Variants in GIGYF2 observed in about 807,000 individuals in gnomAD.
The protein encoded by GIGYF2 is GRB10 interacting GYF protein 2, also known as GRB10-interacting GYF protein 2.
In GIGYF2, 25 loss-of-function variants were observed where a neutral mutation model predicts 208.1. That is an observed-to-expected ratio of 0.12 (90% CI 0.09 to 0.17). The LOEUF (loss-of-function observed/expected upper bound fraction) is 0.17, where lower values mean the gene tolerates loss of function less well. Among genes scored for constraint, GIGYF2 ranks in the 10% least tolerant of loss-of-function variants. The pLI, the probability that GIGYF2 is intolerant of heterozygous loss-of-function variation, is 1.00. For synonymous variants in GIGYF2, 534 were observed against 543.8 expected (o/e 0.98, Z 0.25); for missense variants, 1,302 against 1,579.4 (o/e 0.82, Z 2.98).
At chr2:232,735,555 A>C (rs1197946803) in intron 3 of GIGYF2, 1 of 331,306 alleles carries the variant, frequency 3.0e-6, no homozygotes, top group Non-Finnish European at 4.9e-6. Flanking sequence ...GTATAATTAT[A>C]ACATTTTTAT....
rs556154835 is a variant in GIGYF2 at position 232,811,623 on chromosome 2, C to T, written c.2006+272C>T. Among the ~76,000 whole-genome samples the T allele has an allele frequency of 4.6e-5, 7 of 152,282 alleles. No individual in the cohort carries two copies. The East Asian group carries it at 1.2e-3, about 25-fold the overall frequency. Reference sequence around the variant, plus strand: ...GAGAAACAGTGTCATCTTGTGGAACCTGCGACAGAAAAACTGTAGCCTAGG... The same window carrying T: ...GAGAAACAGTGTCATCTTGTGGAACTTGCGACAGAAAAACTGTAGCCTAGG... On this transcript the variant is annotated intron_variant, in intron 17 of 28. Transcript: ENST00000373563.
chr2:232,815,929 T>G, intron 19 of GIGYF2, 192 bp downstream of exon 19: 1 of 582,782 alleles, frequency 1.7e-6, no homozygotes, highest in Non-Finnish European at 3.1e-6. Flanking sequence ...AAAACAGAAT[T>G]TAAATTACTA....
rs965584432 is a variant in GIGYF2, at chr2:232,791,464, T to C, written c.1282+18T>C. On this transcript the variant is annotated intron_variant, in intron 12 of 28. Coordinates refer to ENST00000373563, the MANE Select transcript of GIGYF2 (RefSeq NM_001103146.3). ...AGGGGATGGTATGTATTTGTGGGAA[T>C]AGACAAGCTAAAATAGGATTCTGCT... is the stretch of plus-strand genomic sequence containing the variant. 7 of 1,605,598 alleles carry C rather than the reference T, an allele frequency of 4.4e-6. No homozygotes were observed. Among genetic ancestry groups the C allele is most frequent in the Middle Eastern group, 3.3e-4 (2 of 6,042 alleles).
At chr2:232,771,345 G>A (rs746033104) in intron 8 of GIGYF2, 3 of 1,612,146 alleles carry the variant, frequency 1.9e-6, no homozygotes, top group Non-Finnish European at 2.5e-6. Context: ...CAATAACTTT[G>A]CAATTACTGC....
chr2:232,802,268 CTAGAACCTT>C (rs1004603908), intron 14 of GIGYF2, among the ~76,000 whole-genome samples: 1 of 151,782 alleles, frequency 6.6e-6, no homozygotes, highest in African/African-American at 2.4e-5. Flanking sequence ...GTTGTTCTGA[CTAGAACCTT>C]TAGTACTATC....
At chr2:232,706,049 T>C (rs769004169) in intron 2 of GIGYF2, 2 of 152,218 alleles carry the variant, frequency 1.3e-5, no homozygotes, top group Non-Finnish European at 2.9e-5. Flanking sequence ...TGACATCTAA[T>C]TGCTTAACTA....
At chr2:232,841,891 T>C (rs191689166) in intron 23 of GIGYF2, among the ~76,000 whole-genome samples, 1 of 152,292 alleles carries the variant, frequency 6.6e-6, no homozygotes, top group East Asian at 1.9e-4. Context: ...TCATGTTTTT[T>C]CTCCTGTTTT....
intron 22 of GIGYF2, 145 bp downstream of exon 22, chr2:232,833,238 C>T (rs1372670568): frequency 2.9e-6 from 1 of 339,628 alleles, no homozygotes; most frequent in Non-Finnish European, 5.0e-6. Context: ...ATTTTTGAGA[C>T]TGGGTCTCAC....
chr2:232,712,136 A>G (rs1385635243), intron 2 of GIGYF2, among the ~76,000 whole-genome samples: 1 of 151,982 alleles, frequency 6.6e-6, no homozygotes, highest in Non-Finnish European at 1.5e-5. Context: ...GGCAACAGGT[A>G]CTCTGAATTG....
chr2:232,753,049 CA>C, intron 5 of GIGYF2, among the ~76,000 whole-genome samples: 1 of 152,194 alleles, frequency 6.6e-6, no homozygotes, highest in South Asian at 2.1e-4. Flanking sequence ...ATTTCACACA[CA>C]CACACATAAA....
chr2:232,837,529 A>C (rs183909915), intron 22 of GIGYF2, among the ~76,000 whole-genome samples: 14 of 152,222 alleles, frequency 9.2e-5, no homozygotes, highest in African/African-American at 3.1e-4. Context: ...ATCTCAGCTC[A>C]CTGCAACCTC....
intron 18 of GIGYF2, among the ~76,000 whole-genome samples, chr2:232,814,601 T>C: frequency 7.6e-6 from 1 of 131,442 alleles, no homozygotes; most frequent in South Asian, 2.5e-4. Context: ...CTTCAGGCTA[T>C]GTCTATAAAG....
intron 8 of GIGYF2, among the ~76,000 whole-genome samples, chr2:232,764,936 A>G (rs1302732325): frequency 6.6e-6 from 1 of 152,230 alleles, no homozygotes; most frequent in Non-Finnish European, 1.5e-5. Context: ...TTTTATTTAC[A>G]TCCCATTGGT....
intron 8 of GIGYF2, among the ~76,000 whole-genome samples, chr2:232,762,225 T>C (rs1230659112): frequency 1.4e-5 from 2 of 140,036 alleles, no homozygotes; most frequent in African/African-American, 5.3e-5. Context: ...GTTAATCATG[T>C]CTTTTTTTTT....
intron 12 of GIGYF2, 50 bp downstream of exon 12, chr2:232,791,496 A>G: frequency 6.7e-7 from 1 of 1,493,272 alleles, no homozygotes; most frequent in Non-Finnish European, 9.2e-7. Context: ...TGCTGAGGCC[A>G]GTGATCACTG....
chr2:232,804,932 A>G (rs962494499), intron 14 of GIGYF2, among the ~76,000 whole-genome samples: 6 of 142,690 alleles, frequency 4.2e-5, no homozygotes, highest in African/African-American at 1.6e-4. Flanking sequence ...ATTGATTTCT[A>G]GCTTGATTCT....
At chr2:232,777,339 A>T (rs1300197588) in intron 8 of GIGYF2, among the ~76,000 whole-genome samples, 1 of 152,224 alleles carries the variant, frequency 6.6e-6, no homozygotes, top group Non-Finnish European at 1.5e-5. Flanking sequence ...ACATTGAAAT[A>T]GTGTTTAGCT....
At chr2:232,836,617 C>T (rs1360162518) in intron 22 of GIGYF2, among the ~76,000 whole-genome samples, 1 of 148,590 alleles carries the variant, frequency 6.7e-6, no homozygotes, top group Non-Finnish European at 1.5e-5. Flanking sequence ...ACAGACTGAT[C>T]CACTTAAATT....
At chr2:232,730,165 G>T in intron 2 of GIGYF2, 1 of 1,464,242 alleles carries the variant, frequency 6.8e-7, no homozygotes, top group South Asian at 1.2e-5. Flanking sequence ...AGCACCTGGA[G>T]GCCGGCAGGG....
Sources: gnomAD v4.1 joint callset for allele counts (sites outside exome capture counted in the v4.1 genomes callset) on GRCh38, gnomAD v4.1.1 for gene constraint, MANE v1.5 for transcripts, NCBI Gene and HGNC (gene_info 2026-07-23, HGNC 2026-07-21) for gene names.